COL15A1: variants seen among roughly 807,000 people sequenced by gnomAD.
COL15A1 encodes collagen alpha-1(XV) chain.
COL15A1 carries 111 observed loss-of-function variants against 165.9 expected under a neutral mutation model. That is an observed-to-expected ratio of 0.67 (90% CI 0.57 to 0.78). COL15A1 has a LOEUF of 0.78. COL15A1 is among the 30% of genes least tolerant of loss of function. The pLI is 0.00. For missense variants in COL15A1, 1,745 were observed against 1,789.7 expected (o/e 0.98, Z 0.45); for synonymous variants, 659 against 674.8 (o/e 0.98, Z 0.36).
At chr9:99,049,121 C>A (rs1202910424) in intron 28 of COL15A1, among the ~76,000 whole-genome samples, 1 of 152,212 alleles carries the variant, frequency 6.6e-6, no homozygotes, top group African/African-American at 2.4e-5. Context: ...CCCTCAGAGC[C>A]TCACCTCTCC....
At chr9:99,044,502 C>T in intron 24 of COL15A1, 66 bp from the exon 25 acceptor site, 3 of 1,491,580 alleles carry the variant, frequency 2.0e-6, no homozygotes, top group Non-Finnish European at 2.8e-6. Context: ...AGTCTCTGTA[C>T]AAAACTCTCT....
intron 31 of COL15A1, among the ~76,000 whole-genome samples, chr9:99,053,141 G>T (rs1039398548): frequency 1.3e-5 from 2 of 152,244 alleles, no homozygotes; most frequent in Non-Finnish European, 2.9e-5. Context: ...GATGGGGCCT[G>T]CAGGTGAGCA....
At chr9:98,948,707 T>C (rs1282470328) in intron 2 of COL15A1, among the ~76,000 whole-genome samples, 3 of 152,178 alleles carry the variant, frequency 2.0e-5, no homozygotes, top group Admixed American at 1.3e-4. Context: ...TCCTTCCTTT[T>C]CCTGGTAAAG....
chr9:99,010,704 G>C (rs887082572), intron 9 of COL15A1, among the ~76,000 whole-genome samples: 3 of 152,372 alleles, frequency 2.0e-5, no homozygotes, highest in South Asian at 2.1e-4. Flanking sequence ...GGAATGCTGA[G>C]TTGGTCACGT....
rs1193371746 is a variant in COL15A1, at chr9:99,069,977, TAC to T, written c.*93_*94del. 4 of 927,472 alleles carry T rather than the reference TAC, an allele frequency of 4.3e-6. No individual in the cohort carries two copies. The highest frequency in any genetic ancestry group is 4.9e-5 in the Admixed American group (1 of 20,434). 57.5% of individuals were successfully genotyped at this position (927,472 alleles called of 1,614,324 possible). A position where few individuals can be genotyped will look rare whatever the true frequency, so the allele number is the denominator to read the frequency against. ...TAAAATGTTTAATTGTTGTAAATAT[TAC>T]AGTTTTTTTTTTTTACTACATATTC... On this transcript the variant is annotated 3_prime_UTR_variant, in exon 42 of 42. Transcript: ENST00000375001.
Position 99,024,268 on chromosome 9 carries a change from G to GTTTTTTTTTTTTTTTTTTTTTT in COL15A1, c.1855-598_1855-597insTTTTTTTTTTTTTTTTTTTTTT, listed in dbSNP as rs201734908. Among the ~76,000 whole-genome samples, 440 of 131,370 alleles carry GTTTTTTTTTTTTTTTTTTTTTT rather than the reference G, an allele frequency of 3.3e-3. 41 individuals are homozygous for GTTTTTTTTTTTTTTTTTTTTTT. The highest frequency in any genetic ancestry group is 6.1e-3 in the South Asian group (25 of 4,114). 86.2% of individuals were successfully genotyped at this position (131,370 alleles called of 152,430 possible). Reference sequence around the variant, plus strand: ...TAAAAACAAGGCTACACCACAAGCAGTTTTTTTTGTTTTTTTGTTTTTTTT... The same window carrying GTTTTTTTTTTTTTTTTTTTTTT: ...TAAAAACAAGGCTACACCACAAGCAGTTTTTTTTTTTTTTTTTTTTTTTTTTTTTTGTTTTTTTGTTTTTTTT... On this transcript the variant is annotated intron_variant, in intron 14 of 41. Transcript: ENST00000375001.
chr9:98,951,810 G>C (rs1837692762), intron 2 of COL15A1, among the ~76,000 whole-genome samples: 1 of 152,092 alleles, frequency 6.6e-6, no homozygotes, highest in African/African-American at 2.4e-5. Flanking sequence ...CACCCTTCTT[G>C]ACCTCCCAAA....
rs139323095 is a variant in COL15A1 at position 99,064,500 on chromosome 9, G to A, written c.3651+1391G>A. 2.2e-3 allele frequency among the ~76,000 whole-genome samples: 334 copies of A among 152,306 alleles called. 3 individuals carry two copies. Among genetic ancestry groups the A allele is most frequent in the Middle Eastern group, 6.8e-3 (2 of 294 alleles). ...GTCTGAAACCCCACAGTGGGATCTT[G>A]GCTGTAGATGAGCCATGCAATTACT... On this transcript the variant is annotated intron_variant, in intron 39 of 41. Coordinates refer to ENST00000375001, the MANE Select transcript of COL15A1 (RefSeq NM_001855.5).
intron 16 of COL15A1, among the ~76,000 whole-genome samples, 185 bp downstream of exon 16, chr9:99,026,151 C>T (rs1368382809): frequency 6.6e-6 from 1 of 152,202 alleles, no homozygotes; most frequent in African/African-American, 2.4e-5. Flanking sequence ...GAACTCAGCA[C>T]CTTCCCTGCC....
At chr9:98,986,150 G>A in intron 3 of COL15A1, 38 bp downstream of exon 3, 1 of 1,506,540 alleles carries the variant, frequency 6.6e-7, no homozygotes, top group Non-Finnish European at 9.1e-7. Context: ...TCAGGGAGGT[G>A]GATGAACAGA....
intron 2 of COL15A1, among the ~76,000 whole-genome samples, chr9:98,980,012 G>A (rs1408358926): frequency 6.6e-6 from 1 of 152,112 alleles, no homozygotes; most frequent in African/African-American, 2.4e-5. Flanking sequence ...GAAAAAATTA[G>A]CTGAGTGTGA....
At chr9:98,984,275 G>A (rs1256727018) in intron 2 of COL15A1, among the ~76,000 whole-genome samples, 1 of 152,206 alleles carries the variant, frequency 6.6e-6, no homozygotes, top group Non-Finnish European at 1.5e-5. Context: ...TACCTTGGAT[G>A]TCAACTCAGA....
intron 2 of COL15A1, among the ~76,000 whole-genome samples, chr9:98,957,455 G>T (rs1160736577): frequency 6.6e-6 from 1 of 152,210 alleles, no homozygotes; most frequent in Admixed American, 6.5e-5. Flanking sequence ...CACTAAGTTT[G>T]TGGTAGTTTG....
chr9:99,016,022 C>G lies in COL15A1; in HGVS notation c.1550C>G (p.Pro517Arg). The change falls in exon 11 of 42, where the codon CCC becomes CGC. Residue 517 changes from proline to arginine, a missense_variant. By Grantham distance (103) the Pro-to-Arg change is moderately radical. Coordinates refer to ENST00000375001, the MANE Select transcript of COL15A1 (RefSeq NM_001855.5). ...EDLAAATTEE[P>R]LITAGGEESG... Reference sequence around the variant, plus strand: ...TTGGCAGCAGCCACAACAGAGGAGCCCCTCATCACAGCTGGGGGTGAAGAG... The same window carrying G: ...TTGGCAGCAGCCACAACAGAGGAGCGCCTCATCACAGCTGGGGGTGAAGAG... 1 of 1,614,064 alleles carries G rather than the reference C, an allele frequency of 6.2e-7. No homozygotes were observed. The highest frequency in any genetic ancestry group is 8.5e-7 in the Non-Finnish European group (1 of 1,179,980).
intron 9 of COL15A1, among the ~76,000 whole-genome samples, chr9:99,008,888 G>A (rs1482394886): frequency 6.6e-6 from 1 of 152,194 alleles, no homozygotes; most frequent in Admixed American, 6.5e-5. Context: ...GGGATTACAG[G>A]CATGAGCCAC....
intron 2 of COL15A1, among the ~76,000 whole-genome samples, chr9:98,955,353 C>T (rs1837759023): frequency 6.6e-6 from 1 of 152,228 alleles, no homozygotes; most frequent in Non-Finnish European, 1.5e-5. Flanking sequence ...TCCTTACTTC[C>T]CTGCTCCCAC....
At chr9:98,953,761 G>A (rs1207669287) in intron 2 of COL15A1, among the ~76,000 whole-genome samples, 3 of 152,246 alleles carry the variant, frequency 2.0e-5, no homozygotes, top group South Asian at 2.1e-4. Context: ...CTGGCCTTAG[G>A]CCTCTCTAGG....
At chr9:98,987,195 T>C (rs117306025) in intron 3 of COL15A1, 99 bp from the exon 4 acceptor site, 1 of 1,170,092 alleles carries the variant, frequency 8.5e-7, no homozygotes, top group East Asian at 2.4e-5. Context: ...TCCCACGCTT[T>C]TACCTGTTCG....
chr9:99,057,752 T>A (rs139424794), intron 35 of COL15A1, among the ~76,000 whole-genome samples: 1 of 152,268 alleles, frequency 6.6e-6, no homozygotes, highest in East Asian at 1.9e-4. Context: ...GCAGCAATAA[T>A]AGCATGAAGG....
Sources: allele counts gnomAD v4.1 joint callset (sites outside exome capture counted in the v4.1 genomes callset), GRCh38; gene constraint gnomAD v4.1.1; transcripts MANE v1.5; gene names NCBI Gene and HGNC (gene_info 2026-07-23, HGNC 2026-07-21).